NRAP: variants seen among roughly 807,000 people sequenced by gnomAD.
The protein encoded by NRAP is nebulin related anchoring protein.
A neutral mutation model predicts 225.9 loss-of-function variants in NRAP; 189 were observed. The ratio of observed to expected loss-of-function variants is 0.84; its 90% confidence interval spans 0.74 to 0.94. NRAP has a LOEUF of 0.94. NRAP is among the 40% of genes least tolerant of loss of function. The pLI, the probability that NRAP is intolerant of heterozygous loss-of-function variation, is 0.00. For missense variants in NRAP, 2,176 were observed against 2,168.7 expected, an observed-to-expected ratio of 1.00 and a Z score of -0.07; for synonymous variants, 769 against 790.7, an observed-to-expected ratio of 0.97 and a Z score of 0.46.
At chr10:113,616,732 T>C (rs1272784019) in intron 26 of NRAP, among the ~76,000 whole-genome samples, 1 of 152,216 alleles carries the variant, frequency 6.6e-6, no homozygotes, top group Non-Finnish European at 1.5e-5. Context: ...GTTTGTAAAT[T>C]TTCCCCATGG....
intron 14 of NRAP, among the ~76,000 whole-genome samples, chr10:113,635,138 C>T (rs753890792): frequency 9.2e-5 from 14 of 152,180 alleles, no homozygotes; most frequent in Non-Finnish European, 1.9e-4. Context: ...ATTGCCCTTT[C>T]GAATATTAAG....
Position 113,598,143 on chromosome 10 carries a change from C to T in NRAP, c.4228-70G>A, listed in dbSNP as rs1846394390. 5 of 928,024 alleles carry T rather than the reference C, an allele frequency of 5.4e-6. 1 individual carries two copies. The South Asian group carries it at 6.5e-5, about 12-fold the overall frequency. The allele number at this position is 928,024 out of a possible 1,614,324, so 57.5% of individuals were successfully genotyped here. A position where few individuals can be genotyped will look rare whatever the true frequency, so the allele number is the denominator to read the frequency against. Reference sequence around the variant, plus strand: ...ACTAGTACAGCATTTCAAGAAGATCCTTGATTTGTAATAGCATTTATAATA... The same window carrying T: ...ACTAGTACAGCATTTCAAGAAGATCTTTGATTTGTAATAGCATTTATAATA... On this transcript the variant is annotated intron_variant, in intron 35 of 41. Coordinates refer to ENST00000359988, the MANE Select transcript of NRAP (RefSeq NM_198060.4).
rs777523262 is a variant in NRAP, at chr10:113,662,814, A to T, written c.168-48T>A. On this transcript the variant is annotated intron_variant, in intron 2 of 41. Coordinates refer to ENST00000359988, the MANE Select transcript of NRAP (RefSeq NM_198060.4). ...AAAATTAGAAATGTACTTTATCCAA[A>T]TGATTGAGGGACTATTCTTAAAATT... The T allele has an allele frequency of 4.6e-6, 4 of 868,634 alleles. No individual in the cohort carries two copies. In the South Asian group the frequency reaches 4.8e-5, roughly 10 times the overall value. The allele number at this position is 868,634 out of a possible 1,614,324, so 53.8% of individuals were successfully genotyped here. A position where few individuals can be genotyped will look rare whatever the true frequency, so the allele number is the denominator to read the frequency against.
At chr10:113,628,772 C>T (rs1214466360) in intron 20 of NRAP, 145 bp downstream of exon 20, 15 of 584,074 alleles carry the variant, frequency 2.6e-5, no homozygotes. Flanking sequence ...TGAGAATGTG[C>T]TACAGGTGTG....
rs1270758334 is a variant in NRAP at position 113,604,752 on chromosome 10, C to T, written c.4084G>A (p.Asp1362Asn). Residue 1362 changes from aspartate (D) to asparagine (N), a missense_variant, in exon 35 of 42, where the codon GAC becomes AAC. Around this residue, in one of 3 missense-constraint regions of NRAP, gnomAD observed 1,708 missense variants for 1,695.5 expected, o/e 1.01. Coordinates refer to ENST00000359988, the MANE Select transcript of NRAP (RefSeq NM_198060.4). ...SSQAQFHLPM[D>N]MVHLVHAKNA... ...TTGGCATGGACCAGGTGCACCATGT[C>T]CATGGGCAGATGGAACTGGGCTTGG... is the stretch of plus-strand genomic sequence containing the variant. The T allele has an allele frequency of 3.1e-6, 5 of 1,614,060 alleles. No homozygotes were observed. The highest frequency in any genetic ancestry group is 2.2e-5 in the East Asian group (1 of 44,886).
At chr10:113,599,521 G>A (rs1846475326) in intron 35 of NRAP, among the ~76,000 whole-genome samples, 1 of 152,234 alleles carries the variant, frequency 6.6e-6, no homozygotes, top group South Asian at 2.1e-4. Flanking sequence ...GAAGTGGGGA[G>A]CGCTCTTTCA....
At chr10:113,604,088 T>A (rs1184723023) in intron 35 of NRAP, among the ~76,000 whole-genome samples, 1 of 152,158 alleles carries the variant, frequency 6.6e-6, no homozygotes, top group Non-Finnish European at 1.5e-5. Flanking sequence ...GGGCTTAGAA[T>A]GGTGGCTAGT....
At chr10:113,646,019 G>A (rs1849486703) in intron 10 of NRAP, 78 bp from the exon 11 acceptor site, 2 of 711,760 alleles carry the variant, frequency 2.8e-6, no homozygotes, top group Admixed American at 2.6e-5. Flanking sequence ...AAGTTATCCT[G>A]GGCTTAATGT....
At chr10:113,635,726 C>A (rs776460078) in intron 14 of NRAP, among the ~76,000 whole-genome samples, 14 of 152,300 alleles carry the variant, frequency 9.2e-5, no homozygotes, top group Admixed American at 7.8e-4. Context: ...CCACACCTGG[C>A]CCTCTTTTAG....
chr10:113,652,456 A>G (rs1472123938), intron 6 of NRAP, among the ~76,000 whole-genome samples: 2 of 152,154 alleles, frequency 1.3e-5, no homozygotes, highest in Admixed American at 1.3e-4. Context: ...CCTGGCCAAC[A>G]TGGTGAAACC....
chr10:113,614,915 C>T lies in NRAP; in HGVS notation c.3110G>A (p.Arg1037Gln), dbSNP rs558441061. Reference sequence around the variant, plus strand: ...CAACCTCAGTTTATAGCCACCATCTCGAAGTTTGCTCCAGGATTCCTTATA... The same window carrying T: ...CAACCTCAGTTTATAGCCACCATCTTGAAGTTTGCTCCAGGATTCCTTATA... ...TRYKESWSKL[R>Q]DGGYKLRLDA... Residue 1037 changes from arginine (R) to glutamine (Q), a missense_variant, in exon 28 of 42, where the codon CGA (arginine) becomes CAA (glutamine). By Grantham distance (43) the Arg-to-Gln change is conservative. Transcript: ENST00000359988. 2.2e-5 allele frequency: 36 copies of T among 1,612,096 alleles called. 1 individual carries two copies. Among genetic ancestry groups the T allele is most frequent in the South Asian group, 1.9e-4 (17 of 91,060 alleles).
At chr10:113,592,825 C>A (rs897589502) in intron 38 of NRAP, among the ~76,000 whole-genome samples, 1 of 152,214 alleles carries the variant, frequency 6.6e-6, no homozygotes, top group Non-Finnish European at 1.5e-5. Flanking sequence ...CATATACACC[C>A]CTGGTGCCTG....
Position 113,588,951 on chromosome 10 carries a change from C to G in NRAP, c.*24G>C. The G allele has an allele frequency of 6.4e-7, 1 of 1,573,070 alleles. No homozygotes were observed. Among genetic ancestry groups the G allele is most frequent in the Middle Eastern group, 1.7e-4 (1 of 5,988 alleles). On this transcript the variant is annotated 3_prime_UTR_variant, in exon 42 of 42. Coordinates refer to ENST00000359988, the MANE Select transcript of NRAP (RefSeq NM_198060.4). ...GGTGAACAAACTTCCTCTCTGGCCT[C>G]TCAGGAATCAGGGTGGACATGGCTC...
chr10:113,616,940 G>T (rs1395922210), intron 26 of NRAP, among the ~76,000 whole-genome samples: 1 of 152,060 alleles, frequency 6.6e-6, no homozygotes, highest in Non-Finnish European at 1.5e-5. Context: ...GAGGGAAAAG[G>T]GTCAAATCTT....
intron 14 of NRAP, among the ~76,000 whole-genome samples, chr10:113,637,868 G>C (rs958550591): frequency 4.6e-5 from 7 of 151,184 alleles, no homozygotes; most frequent in African/African-American, 1.7e-4. Context: ...GTTGCTATGA[G>C]CCGAGATCGC....
Position 113,597,175 on chromosome 10 carries a change from G to T in NRAP, c.4342C>A (p.Arg1448Ser). 1 of 1,605,918 alleles carries T rather than the reference G, an allele frequency of 6.2e-7. No homozygotes were observed. Among genetic ancestry groups the T allele is most frequent in the Non-Finnish European group, 8.5e-7 (1 of 1,172,558 alleles). The change falls in exon 37 of 42, where the codon CGT becomes AGT. Residue 1448 changes from arginine (R) to serine (S), a missense_variant. By Grantham distance (110) the Arg-to-Ser change is moderately radical. Coordinates refer to ENST00000359988, the MANE Select transcript of NRAP (RefSeq NM_198060.4). ...AGELISETKY[R>S]KKPDSIKFTT... is the part of the protein sequence containing the mutation. The stretch of plus-strand genomic sequence containing the variant: ...AACTTGATACTGTCTGGTTTTTTAC[G>T]GTACTTGGTCTATAAGATAAAGACA...
intron 37 of NRAP, 71 bp from the exon 38 acceptor site, chr10:113,595,798 C>A (rs1437325986): frequency 1.2e-5 from 12 of 1,022,872 alleles, no homozygotes; most frequent in African/African-American, 3.2e-5. Context: ...TAGCAACTGA[C>A]TCCCTTTCCT....
intron 12 of NRAP, among the ~76,000 whole-genome samples, chr10:113,642,635 C>T (rs1425252320): frequency 6.6e-6 from 1 of 152,162 alleles, no homozygotes; most frequent in East Asian, 1.9e-4. Context: ...CAGCCAGGCC[C>T]CCTCACCAGC....
chr10:113,590,076 C>T (rs755853799), intron 40 of NRAP, among the ~76,000 whole-genome samples: 2 of 152,062 alleles, frequency 1.3e-5, no homozygotes, highest in African/African-American at 2.4e-5. Context: ...GACACCTGCT[C>T]CACACACTCT....
Sources: gnomAD v4.1 joint callset for allele counts (sites outside exome capture counted in the v4.1 genomes callset) on GRCh38, gnomAD v4.1.1 for gene constraint, gnomAD v4.1.1 regional missense constraint, MANE v1.5 for transcripts, NCBI Gene and HGNC (gene_info 2026-07-23, HGNC 2026-07-21) for gene names.